SURF4: variants seen among roughly 807,000 people sequenced by gnomAD.
SURF4 encodes the protein surfeit locus protein 4.
A neutral mutation model predicts 30.0 loss-of-function variants in SURF4; 3 were observed. The ratio of observed to expected loss-of-function variants is 0.10; its 90% confidence interval spans 0.05 to 0.26. The LOEUF (loss-of-function observed/expected upper bound fraction) is 0.26, where lower values mean the gene tolerates loss of function less well. Ranked by LOEUF, SURF4 falls within the 10% of genes least tolerant of loss-of-function variation. The pLI is 1.00. For missense variants in SURF4, 217 were observed against 350.8 expected (o/e 0.62, Z 3.05); for synonymous variants, 143 against 139.9 (o/e 1.02, Z -0.16).
At chr9:133,375,588 G>A (rs1487617225) in intron 1 of SURF4, among the ~76,000 whole-genome samples, 1 of 151,542 alleles carries the variant, frequency 6.6e-6, no homozygotes, top group Non-Finnish European at 1.5e-5. Context: ...GCGAGCCTCA[G>A]ACCCGACCCA....
At chr9:133,374,009 G>C (rs1266793796) in intron 1 of SURF4, among the ~76,000 whole-genome samples, 1 of 151,578 alleles carries the variant, frequency 6.6e-6, no homozygotes. Flanking sequence ...TTGCTAGTGG[G>C]CAGCAGCTTG....
Position 133,363,452 on chromosome 9 carries a change from C to A in SURF4, c.*41G>T. ...GAATCCACCCCGAACCAGTCCTTGA[C>A]GGCCACGGGTCTTAGCCAGGCAGGT... On this transcript the variant is annotated 3_prime_UTR_variant, in exon 6 of 6. Transcript: ENST00000371989. This position sits in a 1 kb window ranked among gnomAD's most constrained non-coding sequence, Gnocchi z 4.3. The A allele has an allele frequency of 6.2e-7, 1 of 1,614,186 alleles. No homozygotes were observed. Among genetic ancestry groups the A allele is most frequent in the Non-Finnish European group, 8.5e-7 (1 of 1,180,022 alleles).
intron 1 of SURF4, chr9:133,375,102 A>G (rs1019534533): frequency 5.2e-6 from 3 of 572,476 alleles, no homozygotes; most frequent in Non-Finnish European, 6.6e-6. Flanking sequence ...TGTTCTGTCA[A>G]GCTTAATCAA....
intron 1 of SURF4, 115 bp from the exon 2 acceptor site, chr9:133,367,560 C>T (rs2130146226): frequency 9.0e-6 from 14 of 1,557,688 alleles, no homozygotes; most frequent in African/African-American, 1.4e-5. Context: ...AAGGCAAGAG[C>T]TCTTGTCAGC....
upstream of SURF4, chr9:133,376,524 C>T: frequency 6.2e-7 from 1 of 1,601,212 alleles, no homozygotes; most frequent in Non-Finnish European, 8.5e-7. Flanking sequence ...GGGAGCGAGG[C>T]CCAGGGTCCC....
chr9:133,370,350 G>A (rs1837432618), intron 1 of SURF4, among the ~76,000 whole-genome samples: 1 of 152,154 alleles, frequency 6.6e-6, no homozygotes, highest in African/African-American at 2.4e-5. Context: ...AAAAATCTAG[G>A]TACTGCCTTC....
intron 1 of SURF4, among the ~76,000 whole-genome samples, chr9:133,375,691 G>A (rs1009613817): frequency 6.6e-6 from 1 of 152,110 alleles, no homozygotes; most frequent in Admixed American, 6.5e-5. Flanking sequence ...CAGGCAGGGC[G>A]CCGAGGCCCG....
At chr9:133,376,151 C>T, upstream of SURF4, 1 of 1,210,042 alleles carries the variant, frequency 8.3e-7, no homozygotes, top group Non-Finnish European at 1.0e-6. Flanking sequence ...CGCCCGGGCC[C>T]GCCCCGGTGC....
At chr9:133,371,132 C>T in intron 1 of SURF4, 2 of 985,442 alleles carry the variant, frequency 2.0e-6, no homozygotes, top group Non-Finnish European at 2.4e-6. Flanking sequence ...ACTCCACTTT[C>T]TCTTCACACT....
chr9:133,373,736 G>A (rs1837649930), intron 1 of SURF4, among the ~76,000 whole-genome samples: 1 of 151,216 alleles, frequency 6.6e-6, no homozygotes, highest in Non-Finnish European at 1.5e-5. Context: ...TGGCCAACAT[G>A]GGGAAACCCC....
chr9:133,366,193 G>A, intron 3 of SURF4, 165 bp from the exon 4 acceptor site: 1 of 658,164 alleles, frequency 1.5e-6, no homozygotes. Context: ...ATGTGGTTCT[G>A]TATTTCTCAA....
Position 133,375,345 on chromosome 9 carries a change from G to GGA in SURF4, c.48+575_48+576dup, listed in dbSNP as rs1408041424. 9 of 981,804 alleles carry GGA rather than the reference G, an allele frequency of 9.2e-6. No individual in the cohort carries two copies. In the African/African-American group the frequency reaches 1.7e-4, roughly 18 times the overall value. The allele number at this position is 981,804 out of a possible 1,614,324, so 60.8% of individuals were successfully genotyped here. The stretch of plus-strand genomic sequence containing the variant: ...CCCAGGGCAGAGTCCAAACGGGGAG[G>GGA]GAGACGCAGACAGGGTCAAAGGGAC... On this transcript the variant is annotated intron_variant, in intron 1 of 5. Transcript: ENST00000371989.
chr9:133,367,776 G>C (rs1837266769), intron 1 of SURF4, among the ~76,000 whole-genome samples: 1 of 152,256 alleles, frequency 6.6e-6, no homozygotes, highest in Admixed American at 6.5e-5. Flanking sequence ...GGCAACTACA[G>C]TCTTCCAAGG....
chr9:133,377,031 A>G (rs782805499), upstream of SURF4, among the ~76,000 whole-genome samples: 1 of 152,226 alleles, frequency 6.6e-6, no homozygotes, highest in Non-Finnish European at 1.5e-5. Flanking sequence ...TATACATGAT[A>G]TATACACTTT....
At position 133,370,810 on chromosome 9, in the gene SURF4, C is replaced by T. The variant is rs1030115442; in HGVS notation, c.49-3365G>A. ...CCCCCTCCCCCCCATTAGAGAACTG[C>T]GACAGCAGAGCCAGAGGTGGCTGTT... is the stretch of plus-strand genomic sequence containing the variant. On this transcript the variant is annotated intron_variant, in intron 1 of 5. Transcript: ENST00000371989. 2.1e-5 allele frequency: 25 copies of T among 1,216,464 alleles called. No homozygotes were observed. The African/African-American group carries it at 2.5e-4, about 12-fold the overall frequency. The allele number at this position is 1,216,464 out of a possible 1,614,324, so 75.4% of individuals were successfully genotyped here.
At position 133,362,127 on chromosome 9, in the gene SURF4, G is replaced by A. The variant is rs1159916408; in HGVS notation, c.*1366C>T. The A allele has an allele frequency of 6.6e-6, 1 of 152,194 alleles. No individual in the cohort carries two copies. The highest frequency in any genetic ancestry group is 1.5e-5 in the Non-Finnish European group (1 of 68,060). The allele number at this position is 152,194 out of a possible 1,614,324, so 9.4% of individuals were successfully genotyped here. ...ATGAGCAGAAACCTGCCTCACCCCTGCCCTGCAGAGCCAATGGATGAGAGG... is the reference window on the plus strand; with the variant it reads ...ATGAGCAGAAACCTGCCTCACCCCTACCCTGCAGAGCCAATGGATGAGAGG... On this transcript the variant is annotated 3_prime_UTR_variant, in exon 6 of 6. Coordinates refer to ENST00000371989, the MANE Select transcript of SURF4 (RefSeq NM_033161.4).
At chr9:133,376,768 C>T (rs2130251349), upstream of SURF4, among the ~76,000 whole-genome samples, 4 of 152,262 alleles carry the variant, frequency 2.6e-5, no homozygotes, top group African/African-American at 9.6e-5. Context: ...TGTGAATTGA[C>T]TAAGGATTCT....
rs1391342865 is a variant in SURF4 at position 133,363,479 on chromosome 9, G to A, written c.*14C>T. 6.2e-6 allele frequency: 10 copies of A among 1,614,100 alleles called. No individual in the cohort carries two copies. The highest frequency in any genetic ancestry group is 1.7e-5 in the Admixed American group (1 of 60,002). Reference sequence around the variant, plus strand: ...GCCACGGGTCTTAGCCAGGCAGGTAGGGATCTGTGACTGTTACCACTCCTT... The same window carrying A: ...GCCACGGGTCTTAGCCAGGCAGGTAAGGATCTGTGACTGTTACCACTCCTT... On this transcript the variant is annotated 3_prime_UTR_variant, in exon 6 of 6. Transcript: ENST00000371989. This position sits in a 1 kb window ranked among gnomAD's most constrained non-coding sequence, Gnocchi z 4.3.
chr9:133,363,856 A>C lies in SURF4; in HGVS notation c.544-97T>G, dbSNP rs2130094723. 2.0e-6 allele frequency: 3 copies of C among 1,481,308 alleles called. No individual in the cohort carries two copies. Among genetic ancestry groups the C allele is most frequent in the Non-Finnish European group, 2.8e-6 (3 of 1,071,392 alleles). The allele number at this position is 1,481,308 out of a possible 1,614,324, so 91.8% of individuals were successfully genotyped here. On this transcript the variant is annotated intron_variant, in intron 5 of 5. Coordinates refer to ENST00000371989, the MANE Select transcript of SURF4 (RefSeq NM_033161.4). This position sits in a 1 kb window ranked among gnomAD's most constrained non-coding sequence, Gnocchi z 4.3. ...AGCTGCTGCACGTCATGAAGTCTCT[A>C]TCCATCAGGCTGATGTAGCTACTGC...
Sources: gnomAD v4.1 joint callset for allele counts (sites outside exome capture counted in the v4.1 genomes callset) on GRCh38, gnomAD v4.1.1 for gene constraint, Gnocchi (gnomAD v3.1) non-coding constraint, MANE v1.5 for transcripts, NCBI Gene and HGNC (gene_info 2026-07-23, HGNC 2026-07-21) for gene names.